The following TUB variants were observed in gnomAD, a reference collection of about 807,000 sequenced individuals.
The protein encoded by TUB is TUB bipartite transcription factor.
TUB carries 33 observed loss-of-function variants against 59.7 expected under a neutral mutation model. The ratio of observed to expected loss-of-function variants is 0.55; its 90% CI spans 0.42 to 0.74. The LOEUF is 0.74. TUB is among the 30% of genes least tolerant of loss of function. The pLI is 0.00. For synonymous variants in TUB, 293 were observed against 256.4 expected, an observed-to-expected ratio of 1.14 and a Z score of -1.36; for missense variants, 659 against 672.0, an observed-to-expected ratio of 0.98 and a Z score of 0.21.
At position 8,053,895 on chromosome 11, in the gene TUB, C is replaced by A. The variant is rs112935057; in HGVS notation, c.203+14203C>A. Among the ~76,000 whole-genome samples the A allele has an allele frequency of 1.6e-3, 246 of 150,834 alleles. 3 individuals carry two copies. Among genetic ancestry groups the A allele is most frequent in the African/African-American group, 5.8e-3 (237 of 41,196 alleles). On this transcript the variant is annotated intron_variant, in intron 2 of 12. Coordinates refer to the TUB transcript ENST00000305253. ...CTTTGGGAGGCCAAGGCAGGCAGAT[C>A]AAGAGGTCAGGAGATCGAGACCATC...
chr11:8,066,407 T>C (rs1197988963), intron 2 of TUB, among the ~76,000 whole-genome samples: 1 of 152,176 alleles, frequency 6.6e-6, no homozygotes, highest in African/African-American at 2.4e-5. Flanking sequence ...GGGAGCTGGC[T>C]CTGGGTTCAG....
intron 1 of TUB, among the ~76,000 whole-genome samples, chr11:8,026,134 AT>A (rs1942497329): frequency 6.6e-6 from 1 of 152,084 alleles, no homozygotes; most frequent in East Asian, 1.9e-4. Flanking sequence ...CTGTTAAAAT[AT>A]TTCCCCATCT....
At chr11:8,098,700 G>C in intron 8 of TUB, 58 bp from the exon 9 acceptor site, 1 of 1,337,354 alleles carries the variant, frequency 7.5e-7, no homozygotes, top group Non-Finnish European at 1.1e-6. Context: ...ACGATGAGCT[G>C]TTCCCTGCTC....
chr11:8,069,477 C>T (rs1190422439), intron 2 of TUB: 2 of 148,978 alleles, frequency 1.3e-5, no homozygotes, highest in African/African-American at 2.5e-5. Context: ...TGCTTGTTTT[C>T]TTCCATTGAC....
At chr11:8,065,545 T>TG (rs1291834812) in intron 2 of TUB, among the ~76,000 whole-genome samples, 2 of 152,210 alleles carry the variant, frequency 1.3e-5, no homozygotes, top group Non-Finnish European at 2.9e-5. Context: ...AAATAATACA[T>TG]GACAGCACTC....
chr11:8,078,238 C>T (rs1191800995), upstream of TUB, among the ~76,000 whole-genome samples: 2 of 152,190 alleles, frequency 1.3e-5, no homozygotes, highest in Non-Finnish European at 2.9e-5. Context: ...ACAAACATTT[C>T]ATCACCACGT....
At chr11:8,095,756 C>T (rs1943964834) in intron 5 of TUB, 91 bp downstream of exon 5, 1 of 1,369,050 alleles carries the variant, frequency 7.3e-7, no homozygotes, top group Admixed American at 2.3e-5. Flanking sequence ...TTCCTGTGTC[C>T]AAACCCCTCC....
At chr11:8,089,153 A>G (rs1010653360) in intron 1 of TUB, among the ~76,000 whole-genome samples, 8 of 152,196 alleles carry the variant, frequency 5.3e-5, no homozygotes, top group African/African-American at 1.7e-4. Context: ...GCCCCAGAGG[A>G]CGCAGCCTCC....
chr11:8,030,284 G>A (rs1401882170), intron 1 of TUB, among the ~76,000 whole-genome samples: 46 of 152,174 alleles, frequency 3.0e-4, no homozygotes, highest in Non-Finnish European at 5.9e-5. Flanking sequence ...CTCCAGCTAT[G>A]CCTACAGTCT....
chr11:8,090,153 C>T lies in TUB; in HGVS notation c.175C>T (p.Arg59Trp), dbSNP rs150642290. The part of the protein sequence containing the change: ...QANADGRPRS[R>W]RARQSEEQAP... ...CAATGCAGATGGGCGGCCCCGGAGC[C>T]GGCGGGCCCGGCAGTCAGAGGAACA... is the stretch of plus-strand genomic sequence containing the variant. Residue 59 changes from arginine (R) to tryptophan (W), a missense_variant, in exon 3 of 12, where the codon CGG becomes TGG. By Grantham distance (101) the Arg-to-Trp change is moderately radical. Around this residue, in one of 3 missense-constraint regions of TUB, gnomAD observed 321 missense variants for 304.3 expected, o/e 1.05. Transcript: ENST00000299506. 2.5e-5 allele frequency: 41 copies of T among 1,613,356 alleles called. No homozygotes were observed. Among genetic ancestry groups the T allele is most frequent in the Middle Eastern group, 1.6e-4 (1 of 6,082 alleles).
In TUB at chr11:8,065,103, G is replaced by A. The variant is rs567201827; in HGVS notation, c.204-24507G>A. On this transcript the variant is annotated intron_variant, in intron 2 of 12. Transcript: ENST00000305253. ...AGGAGAATTGGTGGAAGCTGGCTGG[G>A]GGATCATCACTCCAGACTACACCTG... Among the ~76,000 whole-genome samples the A allele has an allele frequency of 8.5e-5, 13 of 152,322 alleles. No homozygotes were observed. In the South Asian group the frequency reaches 2.7e-3, roughly 32 times the overall value.
chr11:8,049,062 T>A (rs1942884967), intron 2 of TUB, among the ~76,000 whole-genome samples: 1 of 152,236 alleles, frequency 6.6e-6, no homozygotes, highest in South Asian at 2.1e-4. Flanking sequence ...AACCCAAGTC[T>A]ATTTGACTCC....
At chr11:8,100,781 G>A (rs761099793) in intron 10 of TUB, 45 bp from the exon 11 acceptor site, 11 of 1,607,102 alleles carry the variant, frequency 6.8e-6, no homozygotes, top group Non-Finnish European at 9.4e-6. Flanking sequence ...GGGTGGTCAT[G>A]GTGCCAAAGG....
chr11:8,069,297 C>T (rs1275823095), intron 2 of TUB: 1 of 151,722 alleles, frequency 6.6e-6, no homozygotes, highest in Non-Finnish European at 1.5e-5. Context: ...TCTGGAACCT[C>T]TCTTTGTCCC....
At chr11:8,033,096 G>A (rs986914072) in intron 1 of TUB, among the ~76,000 whole-genome samples, 2 of 152,192 alleles carry the variant, frequency 1.3e-5, no homozygotes, top group Admixed American at 1.3e-4. Flanking sequence ...ATCTGGGGGG[G>A]AACCTGGGAG....
intron 1 of TUB, among the ~76,000 whole-genome samples, chr11:8,024,828 T>A (rs1173125341): frequency 6.6e-6 from 1 of 152,176 alleles, no homozygotes; most frequent in Non-Finnish European, 1.5e-5. Context: ...GCAATTATGT[T>A]TGTGTGTGTG....
Position 8,101,013 on chromosome 11 carries a change from C to T in TUB, c.1387+16C>T, listed in dbSNP as rs776358726. ...GGCAATGACCGTGAGTGTTTCTGTC[C>T]CTACTCATTATGGTCCGTAGGATAC... On this transcript the variant is annotated intron_variant, in intron 11 of 11. Coordinates refer to ENST00000299506, the MANE Select transcript of TUB (RefSeq NM_177972.3). 2 of 1,613,914 alleles carry T rather than the reference C, an allele frequency of 1.2e-6. No individual in the cohort carries two copies. The highest frequency in any genetic ancestry group is 2.2e-5 in the South Asian group (2 of 91,034).
chr11:8,027,202 C>T (rs1942511868), intron 1 of TUB, among the ~76,000 whole-genome samples: 1 of 152,152 alleles, frequency 6.6e-6, no homozygotes, highest in African/African-American at 2.4e-5. Context: ...CAACCATCAC[C>T]ACTATCTATT....
chr11:8,100,869 A>G lies in TUB; in HGVS notation c.1259A>G (p.Glu420Gly). Residue 420 changes from glutamate (E) to glycine (G), a missense_variant, in exon 11 of 12, where the codon GAG becomes GGG. Coordinates refer to ENST00000299506, the MANE Select transcript of TUB (RefSeq NM_177972.3). ...LLARWQNKNT[E>G]SIIELQNKTP... ...GCACGCTGGCAGAATAAGAACACGG[A>G]GAGTATCATCGAGCTGCAAAACAAG... 1.2e-6 allele frequency: 2 copies of G among 1,614,144 alleles called. No individual in the cohort carries two copies. The highest frequency in any genetic ancestry group is 1.1e-5 in the South Asian group (1 of 91,074).
Sources: allele counts gnomAD v4.1 joint callset (sites outside exome capture counted in the v4.1 genomes callset), GRCh38; gene constraint gnomAD v4.1.1; regional missense constraint gnomAD v4.1.1; transcripts MANE v1.5; gene names NCBI Gene and HGNC (gene_info 2026-07-23, HGNC 2026-07-21).